The following PYHIN1 variants were observed in gnomAD, a reference collection of about 807,000 sequenced individuals.
PYHIN1 encodes pyrin and HIN domain-containing protein 1.
Under a neutral mutation model 43.7 loss-of-function variants are expected in PYHIN1, and 32 were observed. That is an observed-to-expected ratio of 0.73 (90% CI 0.55 to 0.98). The LOEUF (loss-of-function observed/expected upper bound fraction) is 0.98. PYHIN1 is among the 50% of genes least tolerant of loss of function. The pLI is 0.00. For synonymous variants in PYHIN1, 205 were observed against 203.1 expected, an observed-to-expected ratio of 1.01 and a Z score of -0.08; for missense variants, 588 against 589.5, an observed-to-expected ratio of 1.00 and a Z score of 0.03.
At chr1:158,980,917 G>C (rs549648930), downstream of PYHIN1, among the ~76,000 whole-genome samples, 1 of 152,140 alleles carries the variant, frequency 6.6e-6, no homozygotes, top group African/African-American at 2.4e-5. Flanking sequence ...AAAACTTGCT[G>C]GTCTGAGACT....
chr1:158,963,569 G>C (rs1027396577), intron 7 of PYHIN1, among the ~76,000 whole-genome samples: 3 of 152,332 alleles, frequency 2.0e-5, no homozygotes, highest in African/African-American at 7.2e-5. Flanking sequence ...CACTGAGAGG[G>C]AGCATGCCCT....
chr1:158,942,128 C>T lies in PYHIN1; in HGVS notation c.731C>T (p.Ala244Val), dbSNP rs1049087609. 7 of 1,614,040 alleles carry T rather than the reference C, an allele frequency of 4.3e-6. No individual in the cohort carries two copies. The highest frequency in any genetic ancestry group is 5.9e-6 in the Non-Finnish European group (7 of 1,179,984). The change falls in exon 5 of 9, where the codon GCT becomes GTT. Residue 244 changes from alanine (A) to valine (V), a missense_variant. Coordinates refer to ENST00000368140, the MANE Select transcript of PYHIN1 (RefSeq NM_152501.5). ...AGAAGAATGTTTCATGCTACAGTGG[C>T]TACGCAGACACAGTTCTTTCATGTG... ...EQRRMFHATV[A>V]TQTQFFHVKV...
chr1:158,986,492 T>C, the PYHIN1 span, among the ~76,000 whole-genome samples: 1 of 152,252 alleles, frequency 6.6e-6, no homozygotes, highest in South Asian at 2.1e-4. Flanking sequence ...GGCTGAGGTG[T>C]TCTCAGTCTA....
the PYHIN1 span, among the ~76,000 whole-genome samples, chr1:158,989,308 T>A: frequency 6.6e-6 from 1 of 152,126 alleles, no homozygotes; most frequent in Non-Finnish European, 1.5e-5. Flanking sequence ...GTGAGGTGAT[T>A]ATATTTTGCA....
intron 1 of PYHIN1, among the ~76,000 whole-genome samples, chr1:158,934,573 T>C (rs1648392849): frequency 6.6e-6 from 1 of 152,230 alleles, no homozygotes; most frequent in African/African-American, 2.4e-5. Flanking sequence ...TATGTCTTTG[T>C]ATATATTTTT....
intron 7 of PYHIN1, among the ~76,000 whole-genome samples, chr1:158,970,438 C>A (rs1469059767): frequency 1.3e-5 from 2 of 151,936 alleles, no homozygotes. Context: ...ACCCTACTCC[C>A]ACACTTCCAC....
intron 4 of PYHIN1, among the ~76,000 whole-genome samples, chr1:158,941,095 A>G (rs1050208681): frequency 2.0e-5 from 3 of 152,216 alleles, no homozygotes; most frequent in Non-Finnish European, 4.4e-5. Flanking sequence ...AGTCAGATCA[A>G]ATAAAGTCCA....
intron 3 of PYHIN1, among the ~76,000 whole-genome samples, chr1:158,938,790 T>C (rs1038449372): frequency 6.6e-6 from 1 of 152,218 alleles, no homozygotes; most frequent in Non-Finnish European, 1.5e-5. Context: ...GATGTTAACT[T>C]GAGAGTCAGA....
In PYHIN1 at chr1:158,974,878, C is replaced by T. The variant is rs1045227012; in HGVS notation, c.*5+1107C>T. On this transcript the variant is annotated intron_variant, in intron 8 of 8. Coordinates refer to ENST00000368140, the MANE Select transcript of PYHIN1 (RefSeq NM_152501.5). The stretch of plus-strand genomic sequence containing the variant: ...CCAGCTCAGACCCACTTTTCTGTTA[C>T]TTAATAGACATAATTGAACATCCCA... 2.0e-5 allele frequency among the ~76,000 whole-genome samples: 3 copies of T among 152,054 alleles called. No homozygotes were observed. In the East Asian group the frequency reaches 5.8e-4, roughly 29 times the overall value.
intron 1 of PYHIN1, among the ~76,000 whole-genome samples, chr1:158,934,285 T>C (rs934705692): frequency 6.6e-6 from 1 of 152,238 alleles, no homozygotes; most frequent in Non-Finnish European, 1.5e-5. Flanking sequence ...TACATAGCCT[T>C]CTGTAAGCTC....
At chr1:158,938,715 G>T (rs570328049) in intron 3 of PYHIN1, among the ~76,000 whole-genome samples, 173 bp downstream of exon 3, 43 of 152,204 alleles carry the variant, frequency 2.8e-4, no homozygotes, top group African/African-American at 1.0e-3. Context: ...CAAGTTAAAC[G>T]CTTTAGTAAA....
At chr1:158,989,186 G>C in the PYHIN1 span, among the ~76,000 whole-genome samples, 3 of 152,090 alleles carry the variant, frequency 2.0e-5, no homozygotes. Flanking sequence ...GAGGACTTTT[G>C]CCATGGAATT....
chr1:158,944,794 G>T, intron 6 of PYHIN1, 81 bp from the exon 7 acceptor site: 1 of 1,064,632 alleles, frequency 9.4e-7, no homozygotes, highest in Middle Eastern at 2.4e-4. Flanking sequence ...ATTTAATAAA[G>T]GATGATATTC....
intron 7 of PYHIN1, among the ~76,000 whole-genome samples, chr1:158,952,812 T>C (rs1649640321): frequency 6.6e-6 from 1 of 152,116 alleles, no homozygotes; most frequent in African/African-American, 2.4e-5. Context: ...ACGCAGAAGA[T>C]GGGTGATTTC....
intron 7 of PYHIN1, among the ~76,000 whole-genome samples, chr1:158,970,164 T>C (rs1650854750): frequency 6.6e-6 from 1 of 152,018 alleles, no homozygotes; most frequent in African/African-American, 2.4e-5. Context: ...GGGATGCTAT[T>C]AGGGAGAAAT....
rs202171823 is a variant in PYHIN1, at chr1:158,942,003, C to T, written c.606C>T (p.His202=). 1.4e-5 allele frequency: 23 copies of T among 1,609,448 alleles called. No individual in the cohort carries two copies. Among genetic ancestry groups the T allele is most frequent in the Admixed American group, 1.0e-4 (6 of 59,480 alleles). Residue 202 remains histidine (H), a synonymous_variant, in exon 5 of 9, where the codon CAC becomes CAT. Coordinates refer to ENST00000368140, the MANE Select transcript of PYHIN1 (RefSeq NM_152501.5). Reference sequence around the variant, plus strand: ...GCCTAAAACCATTGGCCAACCGTCACGCAACTGCCAGTAAAAATATTTTCC... The same window carrying T: ...GCCTAAAACCATTGGCCAACCGTCATGCAACTGCCAGTAAAAATATTTTCC... ...TESLKPLANR[H]ATASKNIFRE...
intron 7 of PYHIN1, among the ~76,000 whole-genome samples, chr1:158,963,178 G>A (rs971710451): frequency 1.3e-5 from 2 of 152,148 alleles, no homozygotes; most frequent in South Asian, 4.1e-4. Flanking sequence ...TGCCACTGCT[G>A]CTGCAGTGGT....
At chr1:158,978,685 G>T (rs1470062779), downstream of PYHIN1, among the ~76,000 whole-genome samples, 1 of 152,072 alleles carries the variant, frequency 6.6e-6, no homozygotes, top group Non-Finnish European at 1.5e-5. Context: ...TAATGTGTTT[G>T]CTGATTTCTC....
the PYHIN1 span, among the ~76,000 whole-genome samples, chr1:158,985,312 G>C: frequency 6.6e-6 from 1 of 152,116 alleles, no homozygotes; most frequent in Admixed American, 6.6e-5. Context: ...TCCATGTTCA[G>C]CACTCCCTGA....
Sources: allele counts gnomAD v4.1 joint callset (sites outside exome capture counted in the v4.1 genomes callset), GRCh38; gene constraint gnomAD v4.1.1; transcripts MANE v1.5; gene names NCBI Gene and HGNC (gene_info 2026-07-23, HGNC 2026-07-21).